The following SHANK2 variants were observed in gnomAD, a reference collection of about 807,000 sequenced individuals.
SHANK2 encodes SH3 and multiple ankyrin repeat domains protein 2.
SHANK2 carries 43 observed loss-of-function variants against 133.7 expected under a neutral mutation model. The ratio of observed to expected loss-of-function variants is 0.32; its 90% CI spans 0.25 to 0.41. The LOEUF (loss-of-function observed/expected upper bound fraction) is 0.41, where lower values mean the gene tolerates loss of function less well. Ranked by LOEUF, SHANK2 falls within the 10% of genes least tolerant of loss-of-function variation. The pLI, the probability that SHANK2 is intolerant of heterozygous loss-of-function variation, is 1.00. For missense variants in SHANK2, 1,994 were observed against 2,235.8 expected, an observed-to-expected ratio of 0.89 and a Z score of 2.18; for synonymous variants, 1,017 against 952.8, an observed-to-expected ratio of 1.07 and a Z score of -1.24.
intron 2 of SHANK2, among the ~76,000 whole-genome samples, chr11:71,212,475 C>T (rs1490578746): frequency 6.6e-6 from 1 of 152,208 alleles, no homozygotes; most frequent in Non-Finnish European, 1.5e-5. Context: ...AAGCCTCGTT[C>T]CTCCTCTTGT....
intron 3 of SHANK2, among the ~76,000 whole-genome samples, chr11:71,126,536 A>C (rs1192601084): frequency 2.2e-4 from 33 of 152,296 alleles, no homozygotes; most frequent in African/African-American, 7.5e-4. Context: ...TTATTATTTA[A>C]CAATATATCT....
chr11:70,951,190 G>A (rs1224822333), intron 10 of SHANK2: 2 of 358,266 alleles, frequency 5.6e-6, no homozygotes, highest in African/African-American at 2.3e-5. Context: ...GCTGTGCCGT[G>A]ACATCATAAA....
At chr11:70,735,977 C>T (rs1354942532) in intron 14 of SHANK2, among the ~76,000 whole-genome samples, 2 of 151,938 alleles carry the variant, frequency 1.3e-5, no homozygotes, top group Non-Finnish European at 2.9e-5. Flanking sequence ...TATGATGTGA[C>T]CTCAGATCCT....
intron 10 of SHANK2, among the ~76,000 whole-genome samples, chr11:70,934,482 C>T (rs559154947): frequency 6.6e-6 from 1 of 152,232 alleles, no homozygotes; most frequent in Non-Finnish European, 1.5e-5. Context: ...CTGTCCCCAC[C>T]CTGCTACAGG....
At chr11:71,063,237 C>A (rs1951009322) in intron 9 of SHANK2, among the ~76,000 whole-genome samples, 1 of 152,200 alleles carries the variant, frequency 6.6e-6, no homozygotes, top group Non-Finnish European at 1.5e-5. Context: ...AAGAAAAATC[C>A]TCCACTACCT....
intron 15 of SHANK2, among the ~76,000 whole-genome samples, chr11:70,697,469 G>A (rs1555022529): frequency 6.6e-6 from 1 of 152,206 alleles, no homozygotes; most frequent in East Asian, 1.9e-4. Context: ...AAGCAGGTGG[G>A]TGGGTGCGAG....
intron 17 of SHANK2, among the ~76,000 whole-genome samples, chr11:70,503,730 A>G (rs1040751423): frequency 2.6e-5 from 4 of 152,208 alleles, no homozygotes; most frequent in African/African-American, 9.6e-5. Flanking sequence ...TCAGGGTGCC[A>G]TCCCCCTGGC....
Position 70,467,865 on chromosome 11 carries a change from T to G in SHANK2, c.*5004A>C, listed in dbSNP as rs1555147462. The G allele has an allele frequency of 6.6e-6, 1 of 152,648 alleles. No individual in the cohort carries two copies. Among genetic ancestry groups the G allele is most frequent in the Non-Finnish European group, 1.5e-5 (1 of 68,042 alleles). The allele number at this position is 152,648 out of a possible 1,614,324, so 9.5% of individuals were successfully genotyped here. A position where few individuals can be genotyped will look rare whatever the true frequency, so the allele number is the denominator to read the frequency against. ...ATAACACAATCTTATTTCAATTTAC[T>G]TTTTATTTTTAACTTAAACGACTGT... On this transcript the variant is annotated 3_prime_UTR_variant, in exon 26 of 26. Transcript: ENST00000601538.
intron 2 of SHANK2, among the ~76,000 whole-genome samples, chr11:71,194,175 C>T (rs1025703301): frequency 1.3e-5 from 2 of 152,112 alleles, no homozygotes; most frequent in African/African-American, 2.4e-5. Context: ...TCGGGTAACC[C>T]AGGGAAAGTT....
rs555327728 is a variant in SHANK2, at chr11:70,897,163, T to C, written c.1108-596A>G. On this transcript the variant is annotated intron_variant, in intron 10 of 25. Coordinates refer to ENST00000601538, the MANE Select transcript of SHANK2 (RefSeq NM_012309.5). ...TCTGTTGCCTAAAGATGCATGATCT[T>C]TGATATGGGAGAGCAGTCAGGCAGG... 3.9e-5 allele frequency among the ~76,000 whole-genome samples: 6 copies of C among 152,292 alleles called. No individual in the cohort carries two copies. In the South Asian group the frequency reaches 1.2e-3, roughly 32 times the overall value.
intron 10 of SHANK2, among the ~76,000 whole-genome samples, chr11:70,935,866 C>A (rs1474862467): frequency 2.0e-5 from 3 of 152,178 alleles, no homozygotes; most frequent in East Asian, 3.9e-4. Context: ...GCCTCTTACA[C>A]CGCCCCCGCA....
intron 15 of SHANK2, among the ~76,000 whole-genome samples, chr11:70,686,440 C>A (rs1214419387): frequency 1.3e-5 from 2 of 151,870 alleles, no homozygotes; most frequent in African/African-American, 4.8e-5. Context: ...ATTCATCTAT[C>A]TACCCATCCA....
rs1433279398 is a variant in SHANK2, at chr11:70,473,694, C to G, written c.4980-255G>C. The G allele has an allele frequency of 1.7e-6, 1 of 582,524 alleles. No individual in the cohort carries two copies. The highest frequency in any genetic ancestry group is 2.3e-5 in the Admixed American group (1 of 43,252). 36.1% of individuals were successfully genotyped at this position (582,524 alleles called of 1,614,324 possible). A position where few individuals can be genotyped will look rare whatever the true frequency, so the allele number is the denominator to read the frequency against. Reference sequence around the variant, plus strand: ...GAACTGGGACAGAGGGGCTGGGGGACCTGCCTGTGCTGGGGGGAGCACACC... The same window carrying G: ...GAACTGGGACAGAGGGGCTGGGGGAGCTGCCTGTGCTGGGGGGAGCACACC... On this transcript the variant is annotated intron_variant, in intron 25 of 25. Transcript: ENST00000601538. The surrounding 1 kb of genome is among the most constrained non-coding windows in gnomAD (Gnocchi z 5.9).
At chr11:71,062,995 T>TAAAA (rs1951005564) in intron 9 of SHANK2, among the ~76,000 whole-genome samples, 1 of 29,700 alleles carries the variant, frequency 3.4e-5, no homozygotes, top group African/African-American at 1.5e-4. Flanking sequence ...AGACCCTGTC[T>TAAAA]CAAAAAAAAA....
intron 17 of SHANK2, among the ~76,000 whole-genome samples, chr11:70,578,053 G>A (rs782383764): frequency 2.6e-5 from 4 of 152,144 alleles, no homozygotes; most frequent in Non-Finnish European, 5.9e-5. Context: ...GCCCACCAAC[G>A]TCCCGTGTAA....
intron 9 of SHANK2, among the ~76,000 whole-genome samples, chr11:71,070,464 A>T (rs1951128333): frequency 6.6e-6 from 1 of 152,150 alleles, no homozygotes; most frequent in Admixed American, 6.5e-5. Flanking sequence ...CAGACAGAAG[A>T]GGGGGCACAC....
At chr11:70,789,385 C>T (rs1410390436) in intron 14 of SHANK2, among the ~76,000 whole-genome samples, 1 of 152,178 alleles carries the variant, frequency 6.6e-6, no homozygotes, top group East Asian at 1.9e-4. Flanking sequence ...CTTCTAGAAA[C>T]TTCTAGAGAG....
intron 10 of SHANK2, among the ~76,000 whole-genome samples, chr11:70,936,882 A>G (rs1330286608): frequency 1.3e-5 from 2 of 152,336 alleles, no homozygotes; most frequent in South Asian, 4.1e-4. Flanking sequence ...TAAGTCCTCA[A>G]GGTGATTCAG....
At chr11:71,220,328 G>T (rs1226484298) in intron 2 of SHANK2, among the ~76,000 whole-genome samples, 3 of 152,154 alleles carry the variant, frequency 2.0e-5, no homozygotes, top group African/African-American at 7.2e-5. Flanking sequence ...TTGCTGGTGG[G>T]AATGTAAAAT....
Sources: gnomAD v4.1 joint callset for allele counts (sites outside exome capture counted in the v4.1 genomes callset) on GRCh38, gnomAD v4.1.1 for gene constraint, Gnocchi (gnomAD v3.1) non-coding constraint, MANE v1.5 for transcripts, NCBI Gene and HGNC (gene_info 2026-07-23, HGNC 2026-07-21) for gene names.